The following WWOX variants were observed in gnomAD, a reference collection of about 807,000 sequenced individuals.
WWOX encodes WW domain containing oxidoreductase.
In WWOX, 69 loss-of-function variants were observed where a neutral mutation model predicts 46.2. The observed-to-expected ratio is 1.49, with a 90% CI of 1.23 to 1.82. WWOX has a LOEUF of 1.82. WWOX is among the 40% of genes most tolerant of loss of function. WWOX has a pLI of 0.00. For synonymous variants in WWOX, 359 were observed against 202.6 expected (o/e 1.77, Z -6.56); for missense variants, 919 against 542.6 (o/e 1.69, Z -6.89).
intron 8 of WWOX, among the ~76,000 whole-genome samples, chr16:79,055,893 T>A (rs534350412): frequency 6.6e-6 from 1 of 152,330 alleles, no homozygotes; most frequent in South Asian, 2.1e-4. Flanking sequence ...GGATTTCCCT[T>A]TGGAAGCAGG....
intron 8 of WWOX, among the ~76,000 whole-genome samples, chr16:79,131,453 T>C (rs1597402025): frequency 1.3e-5 from 2 of 152,184 alleles, no homozygotes; most frequent in Admixed American, 1.3e-4. Context: ...ATTAGATCTA[T>C]CACATACTCT....
At chr16:78,992,026 C>G (rs2046897161) in intron 8 of WWOX, among the ~76,000 whole-genome samples, 1 of 152,206 alleles carries the variant, frequency 6.6e-6, no homozygotes, top group African/African-American at 2.4e-5. Context: ...CTCCCTCTCC[C>G]CACTTTCAGG....
intron 8 of WWOX, among the ~76,000 whole-genome samples, chr16:78,570,127 G>A (rs979297984): frequency 6.6e-6 from 1 of 152,170 alleles, no homozygotes; most frequent in African/African-American, 2.4e-5. Context: ...GAGAATACAG[G>A]AAATCCTTGT....
At chr16:78,689,199 A>G (rs529117161) in intron 8 of WWOX, among the ~76,000 whole-genome samples, 1 of 152,270 alleles carries the variant, frequency 6.6e-6, no homozygotes, top group Admixed American at 6.5e-5. Context: ...TCAGCCCAAA[A>G]TGGCAGTAGT....
chr16:78,971,040 T>C (rs941463854), intron 8 of WWOX, among the ~76,000 whole-genome samples: 1 of 151,868 alleles, frequency 6.6e-6, no homozygotes, highest in Non-Finnish European at 1.5e-5. Flanking sequence ...AGCTCCTCAC[T>C]CTGTTTCCCA....
rs145236521 is a variant in WWOX, at chr16:78,127,177, A to C, written c.409+12023A>C. On this transcript the variant is annotated intron_variant, in intron 4 of 8. Coordinates refer to ENST00000566780, the MANE Select transcript of WWOX (RefSeq NM_016373.4). Reference sequence around the variant, plus strand: ...CAGAACTCCTGTTCCACCTCTGTGCAATATGGACAGTACTCCTACTTTGCA... The same window carrying C: ...CAGAACTCCTGTTCCACCTCTGTGCCATATGGACAGTACTCCTACTTTGCA... Among the ~76,000 whole-genome samples, 7 of 152,274 alleles carry C rather than the reference A, an allele frequency of 4.6e-5. No homozygotes were observed. The East Asian group carries it at 1.4e-3, about 29-fold the overall frequency.
intron 8 of WWOX, among the ~76,000 whole-genome samples, chr16:78,698,134 C>G (rs1187914436): frequency 2.0e-5 from 3 of 152,174 alleles, no homozygotes; most frequent in Non-Finnish European, 4.4e-5. Context: ...TGAGGTTTCT[C>G]TTCTATGAAA....
chr16:78,877,277 C>T (rs1280476536), intron 8 of WWOX, among the ~76,000 whole-genome samples: 1 of 134,994 alleles, frequency 7.4e-6, no homozygotes, highest in Non-Finnish European at 1.6e-5. Flanking sequence ...CCCTGCCTGC[C>T]TCCCCCCCTC....
intron 8 of WWOX, among the ~76,000 whole-genome samples, chr16:78,800,953 G>GAA (rs10591219): frequency 1.2e-4 from 18 of 151,402 alleles, no homozygotes; most frequent in African/African-American, 3.6e-4. Context: ...TCGAAAAACA[G>GAA]AAAAAAAAAG....
intron 8 of WWOX, among the ~76,000 whole-genome samples, chr16:78,683,164 G>A (rs2142239691): frequency 6.6e-6 from 1 of 152,230 alleles, no homozygotes; most frequent in Non-Finnish European, 1.5e-5. Flanking sequence ...GGAAAACACT[G>A]AGTGTTACTT....
At position 78,647,562 on chromosome 16, in the gene WWOX, A is replaced by G. The variant is rs183555826; in HGVS notation, c.1056+214810A>G. On this transcript the variant is annotated intron_variant, in intron 8 of 8. Transcript: ENST00000566780. ...CTAATCTCCATCTTCTCAAAGCTCCACTGCCACTGTCCCGTAAGGGTGGGC... is the reference window on the plus strand; with the variant it reads ...CTAATCTCCATCTTCTCAAAGCTCCGCTGCCACTGTCCCGTAAGGGTGGGC... Among the ~76,000 whole-genome samples the G allele has an allele frequency of 1.5e-3, 227 of 152,336 alleles. 2 individuals are homozygous for G. The highest frequency in any genetic ancestry group is 2.7e-3 in the Non-Finnish European group (185 of 68,028).
At chr16:78,209,425 G>A (rs943333991) in intron 5 of WWOX, among the ~76,000 whole-genome samples, 2 of 152,184 alleles carry the variant, frequency 1.3e-5, no homozygotes, top group African/African-American at 4.8e-5. Context: ...TCTATCCAAG[G>A]CATTAACTGT....
At chr16:78,726,604 G>A (rs1231680770) in intron 8 of WWOX, among the ~76,000 whole-genome samples, 2 of 152,158 alleles carry the variant, frequency 1.3e-5, no homozygotes, top group Non-Finnish European at 2.9e-5. Context: ...TGGAGGAAGG[G>A]AGTCAACTAA....
At chr16:78,495,639 G>A (rs1286948819) in intron 8 of WWOX, among the ~76,000 whole-genome samples, 1 of 151,682 alleles carries the variant, frequency 6.6e-6, no homozygotes, top group African/African-American at 2.4e-5. Flanking sequence ...CTCCCGAGTA[G>A]CTGGGACTAC....
At chr16:78,524,168 T>C (rs554323251) in intron 8 of WWOX, among the ~76,000 whole-genome samples, 2 of 152,294 alleles carry the variant, frequency 1.3e-5, no homozygotes, top group Non-Finnish European at 2.9e-5. Flanking sequence ...CTTTCTGCTC[T>C]TTTTCTCTTT....
intron 8 of WWOX, among the ~76,000 whole-genome samples, chr16:78,696,545 C>T (rs1289012061): frequency 1.3e-5 from 2 of 152,174 alleles, no homozygotes; most frequent in Non-Finnish European, 2.9e-5. Context: ...CAGCAGCGAG[C>T]TGCAGCTCCC....
chr16:78,816,043 G>T (rs2051321899), intron 8 of WWOX, among the ~76,000 whole-genome samples: 1 of 152,114 alleles, frequency 6.6e-6, no homozygotes, highest in Non-Finnish European at 1.5e-5. Context: ...GCCAGAACAT[G>T]GCAGAAACAT....
chr16:78,262,704 G>C (rs891219071), intron 5 of WWOX, among the ~76,000 whole-genome samples: 2 of 152,166 alleles, frequency 1.3e-5, no homozygotes, highest in African/African-American at 4.8e-5. Context: ...TAGACTTACA[G>C]ACCTGCCCTA....
chr16:78,603,328 CA>C (rs35382633), intron 8 of WWOX, among the ~76,000 whole-genome samples: 2 of 152,144 alleles, frequency 1.3e-5, no homozygotes, highest in Non-Finnish European at 2.9e-5. Flanking sequence ...TCAACTGCAC[CA>C]AAAAGATCTC....
Sources: allele counts gnomAD v4.1 joint callset (sites outside exome capture counted in the v4.1 genomes callset), GRCh38; gene constraint gnomAD v4.1.1; transcripts MANE v1.5; gene names NCBI Gene and HGNC (gene_info 2026-07-23, HGNC 2026-07-21).